CHD9: variants seen among roughly 807,000 people sequenced by gnomAD.
CHD9 encodes chromodomain helicase DNA binding protein 9.
Under a neutral mutation model 316.1 loss-of-function variants are expected in CHD9, and 77 were observed. The observed-to-expected ratio is 0.24, with a 90% CI of 0.20 to 0.29. CHD9 has a LOEUF of 0.29. CHD9 is among the 10% of genes least tolerant of loss of function. CHD9 has a pLI of 1.00. For synonymous variants in CHD9, 1,129 were observed against 1,158.3 expected (o/e 0.97, Z 0.51); for missense variants, 2,763 against 3,438.1 (o/e 0.80, Z 4.91).
intron 1 of CHD9, among the ~76,000 whole-genome samples, chr16:53,064,225 T>C (rs1358147239): frequency 1.3e-5 from 2 of 152,178 alleles, no homozygotes; most frequent in Admixed American, 6.5e-5. Flanking sequence ...AGAGAACTGG[T>C]TGGCCTTCCC....
intron 36 of CHD9, among the ~76,000 whole-genome samples, chr16:53,315,447 A>G (rs1018324734): frequency 6.6e-6 from 1 of 152,198 alleles, no homozygotes; most frequent in Non-Finnish European, 1.5e-5. Flanking sequence ...ACCTCATTTA[A>G]CACAATAACT....
intron 1 of CHD9, among the ~76,000 whole-genome samples, chr16:53,118,793 CTT>C (rs565529283): frequency 2.1e-4 from 27 of 127,124 alleles, no homozygotes; most frequent in African/African-American, 4.8e-4. Context: ...AGATAACTTT[CTT>C]TTTTTTTTTT....
chr16:53,308,924 T>C, intron 34 of CHD9, 70 bp downstream of exon 34: 1 of 1,222,198 alleles, frequency 8.2e-7, no homozygotes. Flanking sequence ...CTTTTATAGA[T>C]GCTTGTAATA....
At chr16:53,184,536 G>T (rs148545643) in intron 2 of CHD9, among the ~76,000 whole-genome samples, 2 of 152,154 alleles carry the variant, frequency 1.3e-5, no homozygotes, top group South Asian at 2.1e-4. Flanking sequence ...GTAGACATGG[G>T]GTTTCACCAC....
intron 1 of CHD9, among the ~76,000 whole-genome samples, chr16:53,153,912 C>T (rs2041312387): frequency 6.6e-6 from 1 of 152,100 alleles, no homozygotes; most frequent in South Asian, 2.1e-4. Flanking sequence ...GTAGGAAACA[C>T]AGTTATTCTG....
intron 1 of CHD9, among the ~76,000 whole-genome samples, chr16:53,124,792 C>G (rs948642756): frequency 1.3e-5 from 2 of 152,080 alleles, no homozygotes; most frequent in African/African-American, 4.8e-5. Flanking sequence ...GTGAGACTTA[C>G]TATCACGAGA....
intron 2 of CHD9, among the ~76,000 whole-genome samples, chr16:53,190,835 T>A (rs975788860): frequency 1.3e-5 from 2 of 152,138 alleles, no homozygotes; most frequent in African/African-American, 4.8e-5. Context: ...TACTTTGTAG[T>A]CAAATAATTA....
chr16:53,291,674 A>G (rs2153053619), intron 27 of CHD9, 51 bp from the exon 28 acceptor site: 3 of 1,208,522 alleles, frequency 2.5e-6, no homozygotes, highest in Admixed American at 2.6e-5. Context: ...CTTTTTTTAT[A>G]TATCTCTTGA....
chr16:53,291,775 G>A lies in CHD9; in HGVS notation c.5290+8G>A. Reference sequence around the variant, plus strand: ...TTGTTATAGCAGATGGAGGTAAATTGCACGTACTTCTGTACTTAGTATTAT... The same window carrying A: ...TTGTTATAGCAGATGGAGGTAAATTACACGTACTTCTGTACTTAGTATTAT... On this transcript the variant is annotated splice_region_variant and intron_variant, in intron 28 of 38. Coordinates refer to ENST00000447540, the MANE Select transcript of CHD9 (RefSeq NM_001308319.2). The A allele has an allele frequency of 6.6e-7, 1 of 1,525,172 alleles. No individual in the cohort carries two copies. 94.5% of individuals were successfully genotyped at this position (1,525,172 alleles called of 1,614,324 possible). A position where few individuals can be genotyped will look rare whatever the true frequency, so the allele number is the denominator to read the frequency against.
chr16:53,287,242 A>G (rs1427266241), intron 26 of CHD9, among the ~76,000 whole-genome samples: 2 of 152,182 alleles, frequency 1.3e-5, no homozygotes, highest in African/African-American at 4.8e-5. Flanking sequence ...AAGTGCGGAG[A>G]TTATAGGTGT....
chr16:53,211,736 A>G (rs2046350949), intron 3 of CHD9, among the ~76,000 whole-genome samples: 1 of 151,692 alleles, frequency 6.6e-6, no homozygotes, highest in Non-Finnish European at 1.5e-5. Flanking sequence ...AGTGTCAATC[A>G]TTTATATCAG....
intron 2 of CHD9, chr16:53,208,170 A>G (rs1252562558): frequency 9.2e-7 from 1 of 1,091,936 alleles, no homozygotes; most frequent in African/African-American, 1.7e-5. Context: ...GTGTTGATAA[A>G]TCAAAATGTG....
At chr16:53,220,811 T>C (rs1296136902) in intron 3 of CHD9, among the ~76,000 whole-genome samples, 1 of 152,214 alleles carries the variant, frequency 6.6e-6, no homozygotes, top group Non-Finnish European at 1.5e-5. Context: ...ACTCTGTGTA[T>C]TCCTGTCATG....
At chr16:53,244,544 T>G (rs1177044721) in intron 13 of CHD9, among the ~76,000 whole-genome samples, 1 of 152,162 alleles carries the variant, frequency 6.6e-6, no homozygotes, top group Non-Finnish European at 1.5e-5. Flanking sequence ...CCTCAGTGAT[T>G]TGATAATTCA....
In CHD9 at chr16:53,245,266, T is replaced by G; in HGVS notation, c.3055-70T>G. On this transcript the variant is annotated intron_variant, in intron 13 of 38. Transcript: ENST00000447540. This position sits in a 1 kb window ranked among gnomAD's most constrained non-coding sequence, Gnocchi z 4.1. ...AAATATTTGCATATTGATCATTCGA[T>G]AATCTAAGTCAGCTTTCATATAATT... 1 of 1,202,586 alleles carries G rather than the reference T, an allele frequency of 8.3e-7. No individual in the cohort carries two copies. The allele number at this position is 1,202,586 out of a possible 1,614,324, so 74.5% of individuals were successfully genotyped here.
intron 1 of CHD9, among the ~76,000 whole-genome samples, chr16:53,127,496 A>G (rs1351758705): frequency 1.3e-5 from 2 of 152,246 alleles, no homozygotes; most frequent in Non-Finnish European, 2.9e-5. Context: ...TGAGGGGAAG[A>G]ATACAGTATA....
intron 1 of CHD9, among the ~76,000 whole-genome samples, chr16:53,141,821 G>A (rs1221332726): frequency 6.6e-6 from 1 of 152,114 alleles, no homozygotes; most frequent in Non-Finnish European, 1.5e-5. Context: ...TCCCAAAGGT[G>A]GTACCTGAGT....
chr16:53,122,704 C>G (rs1480956204), intron 1 of CHD9, among the ~76,000 whole-genome samples: 1 of 151,678 alleles, frequency 6.6e-6, no homozygotes, highest in African/African-American at 2.4e-5. Context: ...ACCACCACAC[C>G]CAGCTAATTT....
chr16:53,212,142 C>T (rs898776651), intron 3 of CHD9, among the ~76,000 whole-genome samples: 1 of 152,146 alleles, frequency 6.6e-6, no homozygotes, highest in Non-Finnish European at 1.5e-5. Flanking sequence ...TGGCTCATGC[C>T]TGTAATCCCA....
Sources: allele counts gnomAD v4.1 joint callset (sites outside exome capture counted in the v4.1 genomes callset), GRCh38; gene constraint gnomAD v4.1.1; non-coding constraint Gnocchi (gnomAD v3.1); transcripts MANE v1.5; gene names NCBI Gene and HGNC (gene_info 2026-07-23, HGNC 2026-07-21).